The following LARGE1 variants were observed in gnomAD, a reference collection of about 807,000 sequenced individuals.
The protein encoded by LARGE1 is LARGE xylosyl- and glucuronyltransferase 1, also known as xylosyl- and glucuronyltransferase LARGE1.
Under a neutral mutation model 87.6 loss-of-function variants are expected in LARGE1, and 43 were observed. That is an observed-to-expected ratio of 0.49 (90% CI 0.38 to 0.63). The LOEUF (loss-of-function observed/expected upper bound fraction) is 0.63. LARGE1 is among the 30% of genes least tolerant of loss of function. The probability of loss-of-function intolerance (pLI) is 0.00; values close to 1 mark genes in which losing one functional copy is unlikely to be tolerated. For missense variants in LARGE1, 802 were observed against 1,000.2 expected (o/e 0.80, Z 2.67); for synonymous variants, 434 against 394.6 (o/e 1.10, Z -1.18).
At chr22:33,281,280 C>T (rs1930392192) in intron 13 of LARGE1, among the ~76,000 whole-genome samples, 1 of 152,024 alleles carries the variant, frequency 6.6e-6, no homozygotes, top group South Asian at 2.1e-4. Flanking sequence ...GGAAATGTGT[C>T]AGGTGCTCAG....
At chr22:33,810,724 T>C (rs5754687) in intron 1 of LARGE1, among the ~76,000 whole-genome samples, 72,358 of 151,072 alleles carry the variant, frequency 0.48, 17,859 homozygotes, top group Middle Eastern at 0.64. Context: ...GAGGGATGAA[T>C]TTCTTTTTTT....
At chr22:33,440,395 G>A (rs929395038) in intron 6 of LARGE1, among the ~76,000 whole-genome samples, 3 of 152,064 alleles carry the variant, frequency 2.0e-5, no homozygotes, top group Non-Finnish European at 4.4e-5. Context: ...TCCACCCCCA[G>A]AAAAGCTCCT....
At chr22:33,527,708 C>T (rs1448614248) in intron 6 of LARGE1, among the ~76,000 whole-genome samples, 2 of 152,066 alleles carry the variant, frequency 1.3e-5, no homozygotes, top group African/African-American at 4.8e-5. Context: ...AGGAAGGTGA[C>T]AGCACAAAGA....
intron 4 of LARGE1, 32 bp from the exon 5 acceptor site, chr22:33,604,590 G>A (rs1038387985): frequency 2.5e-6 from 4 of 1,613,638 alleles, no homozygotes; most frequent in Non-Finnish European, 3.4e-6. Flanking sequence ...AGGGTCAGGT[G>A]GAGAGGTACG....
intron 10 of LARGE1, among the ~76,000 whole-genome samples, chr22:33,316,780 C>CT (rs1010393811): frequency 3.9e-5 from 6 of 152,076 alleles, no homozygotes; most frequent in African/African-American, 1.4e-4. Context: ...AAGAGGATGC[C>CT]TTTAACACCT....
At chr22:33,760,622 C>T (rs562054362) in intron 2 of LARGE1, among the ~76,000 whole-genome samples, 7 of 152,244 alleles carry the variant, frequency 4.6e-5, no homozygotes, top group African/African-American at 1.2e-4. Context: ...TGCAGGCATC[C>T]AATAATAACA....
chr22:33,201,033 G>A (rs1924353651), intron 11 of LARGE1, among the ~76,000 whole-genome samples: 1 of 152,180 alleles, frequency 6.6e-6, no homozygotes, highest in Non-Finnish European at 1.5e-5. Flanking sequence ...ATAGGGCCGG[G>A]TGCAGTGACT....
At chr22:33,229,358 ATTAT>A (rs937588677) in intron 11 of LARGE1, among the ~76,000 whole-genome samples, 13 of 152,276 alleles carry the variant, frequency 8.5e-5, no homozygotes, top group South Asian at 4.1e-4. Flanking sequence ...ACTAGAAAAA[ATTAT>A]TTATATGTGT....
Position 33,200,585 on chromosome 22 carries a change from A to AT in LARGE1, c.1731-33754_1731-33753insA, listed in dbSNP as rs201532259. Among the ~76,000 whole-genome samples the AT allele has an allele frequency of 2.4e-3, 364 of 152,292 alleles. 5 individuals are homozygous for AT. Among genetic ancestry groups the AT allele is most frequent in the African/African-American group, 8.1e-3 (337 of 41,540 alleles). On this transcript the variant is annotated intron_variant, in intron 11 of 11. Transcript: ENST00000608642. ...TTCATGTTAGTCAAAAAGGAGAAAA[A>AT]ACTGGAATGTTCATCCACTGATGAA...
Position 33,865,832 on chromosome 22 carries a change from C to CTTTTT in LARGE1, c.-83+54158_-83+54162dup, listed in dbSNP as rs3072359. Among the ~76,000 whole-genome samples, 9 of 28,394 alleles carry CTTTTT rather than the reference C, an allele frequency of 3.2e-4. 3 individuals are homozygous for CTTTTT. The highest frequency in any genetic ancestry group is 5.3e-4 in the African/African-American group (5 of 9,350). The allele number at this position is 28,394 out of a possible 152,430, so 18.6% of individuals were successfully genotyped here. ...TAAGCATTCAATGTTAGCTGTTATT[C>CTTTTT]TTTTTTTTTTTTTTTTTTTTTTTTT... On this transcript the variant is annotated intron_variant, in intron 1 of 14. Coordinates refer to ENST00000397394, the MANE Select transcript of LARGE1 (RefSeq NM_133642.5).
intron 11 of LARGE1, among the ~76,000 whole-genome samples, chr22:33,179,032 G>A (rs543495488): frequency 1.3e-5 from 2 of 152,286 alleles, no homozygotes; most frequent in East Asian, 1.9e-4. Flanking sequence ...GAGGGCAAGA[G>A]CATGTGTGTC....
At chr22:33,268,324 A>G (rs939638389), downstream of LARGE1, among the ~76,000 whole-genome samples, 6 of 151,578 alleles carry the variant, frequency 4.0e-5, no homozygotes, top group Non-Finnish European at 7.3e-5. Context: ...AGAAACTAAA[A>G]AAACTATGAA....
At chr22:33,132,327 G>C in the LARGE1 span, among the ~76,000 whole-genome samples, 26 of 151,836 alleles carry the variant, frequency 1.7e-4, no homozygotes, top group African/African-American at 6.0e-4. Context: ...GGGGCTACAG[G>C]CGTGCACCAC....
intron 2 of LARGE1, among the ~76,000 whole-genome samples, chr22:33,678,751 CA>C (rs2081655186): frequency 3.9e-5 from 6 of 152,292 alleles, no homozygotes; most frequent in African/African-American, 1.2e-4. Flanking sequence ...GAGCAGAGCG[CA>C]CCATGGGACA....
rs149511288 is a variant in LARGE1 at position 33,229,977 on chromosome 22, G to A, written c.1731-63145C>T. The stretch of plus-strand genomic sequence containing the variant: ...ACAATTGAATTCAGAGAACTATGGA[G>A]TGACATTTTCAAACATTTTCAAAGT... On this transcript the variant is annotated intron_variant, in intron 11 of 11. Coordinates refer to the LARGE1 transcript ENST00000608642. Among the ~76,000 whole-genome samples the A allele has an allele frequency of 2.7e-3, 395 of 146,810 alleles. 2 individuals carry two copies. The highest frequency in any genetic ancestry group is 4.5e-3 in the Non-Finnish European group (302 of 66,570).
At position 33,384,221 on chromosome 22, in the gene LARGE1, C is replaced by A; in HGVS notation, c.976G>T (p.Gly326Cys). Residue 326 changes from glycine (G) to cysteine (C), a missense_variant, in exon 8 of 15, where the codon GGC (glycine) becomes TGC (cysteine). Transcript: ENST00000397394. ...WRLTAERELM[G>C]MLSTSLADQD... The stretch of plus-strand genomic sequence containing the variant: ...TCAGCTAAGGATGTAGAGAGCATGC[C>A]CATGAGCTCCCTCTCTGCGGTCAGC... The A allele has an allele frequency of 6.2e-7, 1 of 1,614,060 alleles. No homozygotes were observed. The highest frequency in any genetic ancestry group is 2.2e-5 in the East Asian group (1 of 44,880).
chr22:33,287,027 G>A (rs1931675761), intron 12 of LARGE1, among the ~76,000 whole-genome samples: 1 of 152,168 alleles, frequency 6.6e-6, no homozygotes, highest in Non-Finnish European at 1.5e-5. Flanking sequence ...AATAGAAATA[G>A]AGACTGGGAA....
intron 3 of LARGE1, among the ~76,000 whole-genome samples, chr22:33,649,165 CCTGAGAAAT>C (rs2080714682): frequency 6.6e-6 from 1 of 152,188 alleles, no homozygotes. Flanking sequence ...GCTTGAGAAA[CCTGAGAAAT>C]GCTCCTATCC....
intron 6 of LARGE1, among the ~76,000 whole-genome samples, chr22:33,449,715 G>A (rs1193984343): frequency 6.6e-6 from 1 of 152,184 alleles, no homozygotes; most frequent in East Asian, 1.9e-4. Flanking sequence ...CACATGCTTC[G>A]AGGAGAGCAA....
Sources: allele counts gnomAD v4.1 joint callset (sites outside exome capture counted in the v4.1 genomes callset), GRCh38; gene constraint gnomAD v4.1.1; transcripts MANE v1.5; gene names NCBI Gene and HGNC (gene_info 2026-07-23, HGNC 2026-07-21).